Variants in DENND6A observed in about 807,000 individuals in gnomAD.
DENND6A encodes the protein protein DENND6A.
Under a neutral mutation model 95.5 loss-of-function variants are expected in DENND6A, and 43 were observed. The ratio of observed to expected loss-of-function variants is 0.45; its 90% CI spans 0.35 to 0.58. DENND6A has a LOEUF of 0.58. Ranked by LOEUF, DENND6A falls within the 20% of genes least tolerant of loss-of-function variation. The pLI, the probability that DENND6A is intolerant of heterozygous loss-of-function variation, is 0.00. For missense variants in DENND6A, 574 were observed against 736.0 expected (o/e 0.78, Z 2.55); for synonymous variants, 257 against 260.4 (o/e 0.99, Z 0.13).
At chr3:57,682,889 G>A (rs2077178989) in intron 1 of DENND6A, among the ~76,000 whole-genome samples, 2 of 152,252 alleles carry the variant, frequency 1.3e-5, no homozygotes, top group South Asian at 4.2e-4. Flanking sequence ...TGTTGGCCAG[G>A]CTGGTCTCGG....
At chr3:57,676,044 G>A (rs983344725) in intron 1 of DENND6A, among the ~76,000 whole-genome samples, 6 of 151,872 alleles carry the variant, frequency 4.0e-5, no homozygotes, top group African/African-American at 1.2e-4. Flanking sequence ...CTCCACTCCA[G>A]CCTGGATGAC....
Position 57,653,370 on chromosome 3 carries a change from A to T in DENND6A, c.818+4310T>A, listed in dbSNP as rs1420890177. ...TCTTTGAAAGCTTTGTATTATACTG[A>T]TAATATGTTATCAAAGTTGTTTTTT... On this transcript the variant is annotated intron_variant, in intron 9 of 19. Transcript: ENST00000311128. Among the ~76,000 whole-genome samples the T allele has an allele frequency of 4.6e-5, 7 of 152,230 alleles. No individual in the cohort carries two copies. The East Asian group carries it at 1.3e-3, about 29-fold the overall frequency.
At chr3:57,652,599 T>C (rs1357871042) in intron 9 of DENND6A, among the ~76,000 whole-genome samples, 1 of 152,206 alleles carries the variant, frequency 6.6e-6, no homozygotes, top group East Asian at 1.9e-4. Context: ...AAATAACATA[T>C]ATAGTTTCAA....
chr3:57,645,621 T>C (rs748727244), intron 11 of DENND6A, 40 bp downstream of exon 11: 3 of 1,453,072 alleles, frequency 2.1e-6, no homozygotes, highest in African/African-American at 2.8e-5. Flanking sequence ...ATTTTGGTTA[T>C]AAAGGTAATA....
intron 1 of DENND6A, among the ~76,000 whole-genome samples, chr3:57,674,567 G>A (rs1392901962): frequency 6.6e-6 from 1 of 152,076 alleles, no homozygotes; most frequent in Non-Finnish European, 1.5e-5. Context: ...GACCTGTGAG[G>A]TGGAGGTAGC....
rs1381478891 is a variant in DENND6A, at chr3:57,645,721, C to T, written c.977G>A (p.Arg326Gln). The change falls in exon 11 of 20, where the codon CGA becomes CAA. Residue 326 changes from arginine to glutamine, a missense_variant. Arg to Gln is a conservative substitution (Grantham distance 43). Transcript: ENST00000311128. ...ISPLKYFSDFRPYFTIHDSEF... is the reference protein window; with the variant it reads ...ISPLKYFSDFQPYFTIHDSEF... ...ACTATCATGAATAGTGAAATAAGGT[C>T]GGAAATCACTGAAGTACTTTAATGG... The T allele has an allele frequency of 8.1e-6, 13 of 1,612,996 alleles. No homozygotes were observed. The highest frequency in any genetic ancestry group is 4.0e-5 in the African/African-American group (3 of 74,818).
chr3:57,631,021 A>C (rs755779915), intron 15 of DENND6A, 43 bp from the exon 16 acceptor site: 1 of 1,581,434 alleles, frequency 6.3e-7, no homozygotes, highest in African/African-American at 1.4e-5. Flanking sequence ...GTCTTCAAAA[A>C]TATTTAAACA....
At chr3:57,649,922 T>TAC (rs5849223) in intron 9 of DENND6A, among the ~76,000 whole-genome samples, 7,065 of 148,484 alleles carry the variant, frequency 0.048, 511 homozygotes, top group African/African-American at 0.16. Flanking sequence ...TGTATATATA[T>TAC]ACACACACAC....
intron 1 of DENND6A, among the ~76,000 whole-genome samples, chr3:57,691,570 G>A (rs1170887393): frequency 2.7e-5 from 4 of 145,562 alleles, no homozygotes; most frequent in South Asian, 2.2e-4. Flanking sequence ...GGCCGAATAC[G>A]AAAGCAGTAG....
At chr3:57,638,066 G>A (rs956976707) in intron 12 of DENND6A, among the ~76,000 whole-genome samples, 3 of 151,840 alleles carry the variant, frequency 2.0e-5, no homozygotes, top group East Asian at 1.9e-4. Flanking sequence ...CCCAGGAGGC[G>A]AAGGTTGCAG....
In DENND6A at chr3:57,666,162, G is replaced by A; in HGVS notation, c.393C>T (p.Leu131=). 6.2e-7 allele frequency: 1 copy of A among 1,613,812 alleles called. No homozygotes were observed. The highest frequency in any genetic ancestry group is 8.5e-7 in the Non-Finnish European group (1 of 1,179,844). The part of the protein sequence containing the change: ...SSGRRVSLHC[L]LDQFDKDLPV... ...GTAAATCTTTGTCAAATTGATCCAGGAGACAATGCAGCGACACCCTCCTCC... is the reference window on the plus strand; with the variant it reads ...GTAAATCTTTGTCAAATTGATCCAGAAGACAATGCAGCGACACCCTCCTCC... The change falls in exon 4 of 20, where the codon CTC becomes CTT. Residue 131 remains leucine, a synonymous_variant. Coordinates refer to ENST00000311128, the MANE Select transcript of DENND6A (RefSeq NM_152678.3).
At chr3:57,684,900 T>C (rs961461508) in intron 1 of DENND6A, among the ~76,000 whole-genome samples, 1 of 151,854 alleles carries the variant, frequency 6.6e-6, no homozygotes, top group African/African-American at 2.4e-5. Flanking sequence ...GTCCAGGAGT[T>C]CAAGATCACA....
chr3:57,650,348 A>T (rs999354625), intron 9 of DENND6A, among the ~76,000 whole-genome samples: 3 of 152,004 alleles, frequency 2.0e-5, no homozygotes, highest in Non-Finnish European at 4.4e-5. Context: ...TTGATTACTA[A>T]CAGAGGTATT....
chr3:57,637,482 CT>C (rs1238497126), intron 12 of DENND6A, among the ~76,000 whole-genome samples: 1 of 152,122 alleles, frequency 6.6e-6, no homozygotes, highest in Non-Finnish European at 1.5e-5. Context: ...TGCCTTCCCT[CT>C]TGGTTCTAAA....
chr3:57,678,222 T>C (rs2077126354), intron 1 of DENND6A, among the ~76,000 whole-genome samples: 1 of 152,206 alleles, frequency 6.6e-6, no homozygotes, highest in African/African-American at 2.4e-5. Flanking sequence ...AATATAGATG[T>C]TTAAATTTCA....
At position 57,630,715 on chromosome 3, in the gene DENND6A, C is replaced by T. The variant is rs750447727; in HGVS notation, c.1517G>A (p.Arg506Gln). The change falls in exon 17 of 20, where the codon CGG becomes CAG. Residue 506 changes from arginine (R) to glutamine (Q), a missense_variant and splice_region_variant. Arg to Gln is a conservative substitution (Grantham distance 43). Transcript: ENST00000311128. ...TGTAAAACAGGGAAAAAAGACTAACCGGTAAAGTCCAATCCAATCGCCTTT... is the reference window on the plus strand; with the variant it reads ...TGTAAAACAGGGAAAAAAGACTAACTGGTAAAGTCCAATCCAATCGCCTTT... ...RIKGDWIGLYRHFLKSPNFDG... is the reference protein window; with the variant it reads ...RIKGDWIGLYQHFLKSPNFDG... 28 of 1,610,718 alleles carry T rather than the reference C, an allele frequency of 1.7e-5. No individual in the cohort carries two copies. The highest frequency in any genetic ancestry group is 8.5e-5 in the Admixed American group (5 of 59,148).
chr3:57,681,570 G>C (rs2153417189), intron 1 of DENND6A, among the ~76,000 whole-genome samples: 1 of 148,670 alleles, frequency 6.7e-6, no homozygotes, highest in East Asian at 2.0e-4. Context: ...GCTGCAGTGA[G>C]CTATGATCAT....
intron 4 of DENND6A, among the ~76,000 whole-genome samples, chr3:57,665,329 C>T (rs1424713095): frequency 6.6e-6 from 1 of 152,060 alleles, no homozygotes; most frequent in Non-Finnish European, 1.5e-5. Flanking sequence ...GTGGGATGAC[C>T]TTGGGTAAGT....
chr3:57,661,647 G>T, intron 5 of DENND6A, 96 bp from the exon 6 acceptor site: 1 of 944,428 alleles, frequency 1.1e-6, no homozygotes, highest in East Asian at 2.9e-5. Context: ...AAAAAGTGTG[G>T]ATTTTAAAAT....
Sources: gnomAD v4.1 joint callset for allele counts (sites outside exome capture counted in the v4.1 genomes callset) on GRCh38, gnomAD v4.1.1 for gene constraint, MANE v1.5 for transcripts, NCBI Gene and HGNC (gene_info 2026-07-23, HGNC 2026-07-21) for gene names.